Variants in LRIG2 observed in about 807,000 individuals in gnomAD.
The protein encoded by LRIG2 is leucine-rich repeats and immunoglobulin-like domains protein 2.
In LRIG2, 93 loss-of-function variants were observed where a neutral mutation model predicts 107.8. The ratio of observed to expected loss-of-function variants is 0.86; its 90% CI spans 0.73 to 1.03. The LOEUF (loss-of-function observed/expected upper bound fraction) is 1.03, where lower values mean the gene tolerates loss of function less well. LRIG2 is among the 50% of genes least tolerant of loss of function. The probability of loss-of-function intolerance (pLI) is 0.00; values close to 1 mark genes in which losing one functional copy is unlikely to be tolerated. For synonymous variants in LRIG2, 471 were observed against 470.6 expected, an observed-to-expected ratio of 1.00 and a Z score of -0.01; for missense variants, 1,226 against 1,296.0, an observed-to-expected ratio of 0.95 and a Z score of 0.83.
chr1:113,083,996 G>GTAT (rs1557898149), intron 1 of LRIG2, among the ~76,000 whole-genome samples: 3 of 102,956 alleles, frequency 2.9e-5, no homozygotes, highest in Non-Finnish European at 5.8e-5. Context: ...AGAACTTAAA[G>GTAT]TATAATAATA....
chr1:113,082,545 A>G (rs1282982165), intron 1 of LRIG2, among the ~76,000 whole-genome samples: 1 of 152,220 alleles, frequency 6.6e-6, no homozygotes, highest in African/African-American at 2.4e-5. Context: ...CTCGTGGCCA[A>G]AGGCAAAGCG....
rs570727216 is a variant in LRIG2 at position 113,073,274 on chromosome 1, C to G, written c.-133C>G. 5 of 767,214 alleles carry G rather than the reference C, an allele frequency of 6.5e-6. No individual in the cohort carries two copies. The Admixed American group carries it at 6.8e-5, about 10-fold the overall frequency. 47.5% of individuals were successfully genotyped at this position (767,214 alleles called of 1,614,324 possible). A position where few individuals can be genotyped will look rare whatever the true frequency, so the allele number is the denominator to read the frequency against. ...CGCGCTGCGTCTGCTCCTTGCATGCCTTTAGATGGTACAGCCTTCAGCCGG... is the reference window on the plus strand; with the variant it reads ...CGCGCTGCGTCTGCTCCTTGCATGCGTTTAGATGGTACAGCCTTCAGCCGG... On this transcript the variant is annotated 5_prime_UTR_variant, in exon 1 of 18. Coordinates refer to ENST00000361127, the MANE Select transcript of LRIG2 (RefSeq NM_014813.3).
At position 113,124,646 on chromosome 1, in the gene LRIG2, T is replaced by G. The variant is rs564192357; in HGVS notation, c.*545T>G. ...CCAACTGGTACCAGGTCAAAGATTT[T>G]TGTATTCTTGTGAATTTTTTTTTTT... On this transcript the variant is annotated 3_prime_UTR_variant, in exon 18 of 18. Coordinates refer to ENST00000361127, the MANE Select transcript of LRIG2 (RefSeq NM_014813.3). 1 of 153,592 alleles carries G rather than the reference T, an allele frequency of 6.5e-6. No homozygotes were observed. Among genetic ancestry groups the G allele is most frequent in the South Asian group, 2.1e-4 (1 of 4,852 alleles). The allele number at this position is 153,592 out of a possible 1,614,324, so 9.5% of individuals were successfully genotyped here. A position where few individuals can be genotyped will look rare whatever the true frequency, so the allele number is the denominator to read the frequency against.
intron 11 of LRIG2, 48 bp downstream of exon 11, chr1:113,100,536 CTTG>C: frequency 9.0e-7 from 1 of 1,109,308 alleles, no homozygotes; most frequent in East Asian, 2.5e-5. Flanking sequence ...ATTGTTCCTG[CTTG>C]TTGTGCTTAA....
In LRIG2 at chr1:113,094,349, A is replaced by G. The variant is rs1225147505; in HGVS notation, c.526A>G (p.Asn176Asp). 3 of 1,599,082 alleles carry G rather than the reference A, an allele frequency of 1.9e-6. No homozygotes were observed. Among genetic ancestry groups the G allele is most frequent in the Non-Finnish European group, 2.6e-6 (3 of 1,176,108 alleles). The change falls in exon 5 of 18, where the codon AAT becomes GAT. Residue 176 changes from asparagine (N) to aspartate (D), a missense_variant. Transcript: ENST00000361127. ...RMQLKYLNLS[N>D]NRITTLEAGC... ...TCTTGTTTATTTTAGGAATTTAAGT[A>G]ATAACAGAATAACCACCTTGGAGGC...
Position 113,073,371 on chromosome 1 carries a change from C to A in LRIG2, c.-36C>A. ...CCGCCGATCCTCCTTTTCTAGCAGG[C>A]AGCTCTTCTAGGCCACGTCCAGGTC... On this transcript the variant is annotated 5_prime_UTR_variant, in exon 1 of 18. Transcript: ENST00000361127. 6.5e-7 allele frequency: 1 copy of A among 1,538,260 alleles called. No individual in the cohort carries two copies. Among genetic ancestry groups the A allele is most frequent in the Non-Finnish European group, 9.0e-7 (1 of 1,115,824 alleles).
At chr1:113,114,038 C>G (rs1654890006) in intron 14 of LRIG2, among the ~76,000 whole-genome samples, 1 of 152,076 alleles carries the variant, frequency 6.6e-6, no homozygotes, top group Non-Finnish European at 1.5e-5. Context: ...CTATAATTTA[C>G]TTAATCATTT....
intron 1 of LRIG2, among the ~76,000 whole-genome samples, chr1:113,089,684 T>C (rs1383350394): frequency 3.7e-5 from 5 of 133,684 alleles, no homozygotes; most frequent in Non-Finnish European, 4.7e-5. Flanking sequence ...TGCTTTTTTT[T>C]TTTTTTTTTT....
intron 17 of LRIG2, 50 bp downstream of exon 17, chr1:113,119,573 A>G: frequency 6.4e-7 from 1 of 1,553,642 alleles, no homozygotes; most frequent in Middle Eastern, 1.7e-4. Flanking sequence ...CGTCTAATTG[A>G]CTCTTCCTTC....
At position 113,124,128 on chromosome 1, in the gene LRIG2, A is replaced by C; in HGVS notation, c.*27A>C. Reference sequence around the variant, plus strand: ...ACTCACTTCAGGATGAAATCTGGGCAGAGACTTATTAATTAATTTTGCATT... The same window carrying C: ...ACTCACTTCAGGATGAAATCTGGGCCGAGACTTATTAATTAATTTTGCATT... On this transcript the variant is annotated 3_prime_UTR_variant, in exon 18 of 18. Transcript: ENST00000361127. The C allele has an allele frequency of 6.3e-7, 1 of 1,595,482 alleles. No homozygotes were observed. Among genetic ancestry groups the C allele is most frequent in the East Asian group, 2.2e-5 (1 of 44,742 alleles).
At chr1:113,116,509 C>T in intron 16 of LRIG2, 73 bp downstream of exon 16, 1 of 1,367,722 alleles carries the variant, frequency 7.3e-7, no homozygotes, top group Non-Finnish European at 1.0e-6. Context: ...TGTAGTTTCT[C>T]CATTAATCTG....
intron 1 of LRIG2, among the ~76,000 whole-genome samples, chr1:113,082,424 T>C (rs1653330464): frequency 6.6e-6 from 1 of 152,176 alleles, no homozygotes; most frequent in Non-Finnish European, 1.5e-5. Flanking sequence ...TAAATCAGAC[T>C]GGGTAATTTA....
chr1:113,105,818 A>G lies in LRIG2; in HGVS notation c.1314-1776A>G, dbSNP rs543811535. Among the ~76,000 whole-genome samples the G allele has an allele frequency of 8.5e-5, 13 of 152,364 alleles. No homozygotes were observed. In the South Asian group the frequency reaches 1.9e-3, roughly 22 times the overall value. On this transcript the variant is annotated intron_variant, in intron 11 of 17. Coordinates refer to ENST00000361127, the MANE Select transcript of LRIG2 (RefSeq NM_014813.3). ...CAACTGTTAGAGAAAAAATTACTCAATGAAACTTGTTAAAGCATTATAAAA... is the reference window on the plus strand; with the variant it reads ...CAACTGTTAGAGAAAAAATTACTCAGTGAAACTTGTTAAAGCATTATAAAA...
intron 1 of LRIG2, 116 bp downstream of exon 1, chr1:113,073,761 A>AC: frequency 1.2e-6 from 1 of 848,030 alleles, no homozygotes; most frequent in Non-Finnish European, 1.7e-6. Flanking sequence ...CTAAGCTCTG[A>AC]AGGAAACTGC....
At chr1:113,079,080 C>G (rs1178411136) in intron 1 of LRIG2, among the ~76,000 whole-genome samples, 2 of 152,080 alleles carry the variant, frequency 1.3e-5, no homozygotes, top group African/African-American at 4.8e-5. Flanking sequence ...TGCGGTGGCT[C>G]ACGCCTGTAA....
chr1:113,113,815 C>T (rs927363967), intron 14 of LRIG2, among the ~76,000 whole-genome samples: 1 of 151,786 alleles, frequency 6.6e-6, no homozygotes, highest in Non-Finnish European at 1.5e-5. Context: ...CCTGCCTCAG[C>T]CTTAGAAAAA....
intron 9 of LRIG2, 42 bp from the exon 10 acceptor site, chr1:113,100,169 T>C (rs1046872618): frequency 1.9e-5 from 23 of 1,215,144 alleles, no homozygotes; most frequent in Non-Finnish European, 2.6e-5. Flanking sequence ...TTTAATTTTG[T>C]TTAGTGGAGA....
intron 11 of LRIG2, 191 bp downstream of exon 11, chr1:113,100,679 G>A (rs1300339242): frequency 6.6e-6 from 3 of 456,790 alleles, no homozygotes; most frequent in African/African-American, 3.9e-5. Context: ...AAAGCCCAGA[G>A]TGTGTGGCAC....
In LRIG2 at chr1:113,093,229, C is replaced by A. The variant is rs754986981; in HGVS notation, c.329C>A (p.Thr110Lys). 1 of 1,597,540 alleles carries A rather than the reference C, an allele frequency of 6.3e-7. No individual in the cohort carries two copies. The highest frequency in any genetic ancestry group is 1.7e-5 in the Admixed American group (1 of 58,046). Residue 110 changes from threonine to lysine, a missense_variant, in exon 3 of 18, where the codon ACA (threonine) becomes AAA (lysine). Transcript: ENST00000361127. ...AGGAAAATGAATTACAATGAACTAA[C>A]AGAAATCCCGTATTTTGGAGAACCT... ...QEVKMNYNEL[T>K]EIPYFGEPTS...
Sources: allele counts gnomAD v4.1 joint callset (sites outside exome capture counted in the v4.1 genomes callset), GRCh38; gene constraint gnomAD v4.1.1; transcripts MANE v1.5; gene names NCBI Gene and HGNC (gene_info 2026-07-23, HGNC 2026-07-21).